The following ADGRL2 variants were observed in gnomAD, a reference collection of about 807,000 sequenced individuals.
The protein encoded by ADGRL2 is calcium-independent alpha-latrotoxin receptor 2.
A neutral mutation model predicts 157.4 loss-of-function variants in ADGRL2; 44 were observed. That is an observed-to-expected ratio of 0.28 (90% CI 0.22 to 0.36). The LOEUF (loss-of-function observed/expected upper bound fraction) is 0.36, where lower values mean the gene tolerates loss of function less well. Among genes scored for constraint, ADGRL2 ranks in the 10% least tolerant of loss-of-function variants. ADGRL2 has a pLI of 1.00. For synonymous variants in ADGRL2, 585 were observed against 624.7 expected (o/e 0.94, Z 0.95); for missense variants, 1,510 against 1,768.9 (o/e 0.85, Z 2.63).
At chr1:81,964,140 T>C (rs911802502) in intron 11 of ADGRL2, among the ~76,000 whole-genome samples, 1 of 152,028 alleles carries the variant, frequency 6.6e-6, no homozygotes, top group Non-Finnish European at 1.5e-5. Flanking sequence ...AAGTTTTTCT[T>C]TACTGTGAAC....
At chr1:81,533,483 T>C (rs2079655652) in intron 2 of ADGRL2, among the ~76,000 whole-genome samples, 1 of 152,216 alleles carries the variant, frequency 6.6e-6, no homozygotes, top group Non-Finnish European at 1.5e-5. Context: ...TGTCTTCCAC[T>C]TTACCTACTC....
chr1:81,475,837 AG>A (rs2078261231), intron 2 of ADGRL2, among the ~76,000 whole-genome samples: 1 of 152,226 alleles, frequency 6.6e-6, no homozygotes, highest in African/African-American at 2.4e-5. Flanking sequence ...GAGGATGTTC[AG>A]AAAAATTGTG....
intron 1 of ADGRL2, among the ~76,000 whole-genome samples, chr1:81,705,993 G>A (rs988899269): frequency 6.6e-6 from 1 of 151,940 alleles, no homozygotes; most frequent in African/African-American, 2.4e-5. Context: ...GGCGGATCAC[G>A]AGGTCAGGAG....
At chr1:81,596,657 A>G (rs939833289) in intron 3 of ADGRL2, among the ~76,000 whole-genome samples, 4 of 151,700 alleles carry the variant, frequency 2.6e-5, no homozygotes, top group South Asian at 2.1e-4. Flanking sequence ...ATGAATTTTT[A>G]TTTCCAGAAT....
upstream of ADGRL2, among the ~76,000 whole-genome samples, chr1:81,695,708 C>A (rs1164248715): frequency 6.6e-6 from 1 of 151,938 alleles, no homozygotes. Context: ...GTAATCCCAG[C>A]TACTCGGGAG....
chr1:81,663,553 G>A (rs1410511223), intron 3 of ADGRL2, among the ~76,000 whole-genome samples: 1 of 152,198 alleles, frequency 6.6e-6, no homozygotes, highest in African/African-American at 2.4e-5. Flanking sequence ...CAAAGAGGAA[G>A]TTTTCCTTGC....
At chr1:81,637,844 T>G (rs2148787871) in intron 3 of ADGRL2, among the ~76,000 whole-genome samples, 1 of 152,238 alleles carries the variant, frequency 6.6e-6, no homozygotes. Context: ...TAACTTAAAA[T>G]TCAGCGTACC....
Position 81,636,772 on chromosome 1 carries a change from C to A in ADGRL2, c.-143+55792C>A, listed in dbSNP as rs2148782449. On this transcript the variant is annotated intron_variant, in intron 3 of 24. Transcript: ENST00000370721. ...AAATGCTAATGTGCATTTTCATATA[C>A]CAAAGAAAAATACTGTGTAATATAC... is the stretch of plus-strand genomic sequence containing the variant. 2.0e-5 allele frequency among the ~76,000 whole-genome samples: 3 copies of A among 152,212 alleles called. No homozygotes were observed. In the Middle Eastern group the frequency reaches 0.01, roughly 518 times the overall value.
At chr1:81,890,295 A>G (rs955922406) in intron 2 of ADGRL2, among the ~76,000 whole-genome samples, 5 of 152,248 alleles carry the variant, frequency 3.3e-5, no homozygotes, top group African/African-American at 9.6e-5. Context: ...TTAAGACTCA[A>G]TTCCATAGTG....
chr1:81,902,926 C>T (rs1419496698), intron 2 of ADGRL2, among the ~76,000 whole-genome samples: 2 of 152,138 alleles, frequency 1.3e-5, no homozygotes, highest in African/African-American at 4.8e-5. Context: ...ATGTGCACAG[C>T]ACATCCATGT....
intron 1 of ADGRL2, among the ~76,000 whole-genome samples, chr1:81,732,481 G>A (rs905985838): frequency 2.6e-5 from 4 of 152,168 alleles, no homozygotes; most frequent in African/African-American, 9.7e-5. Context: ...CAGAGGTACT[G>A]TTTTAAATGA....
intron 3 of ADGRL2, among the ~76,000 whole-genome samples, chr1:81,654,442 A>G (rs997729821): frequency 2.0e-5 from 3 of 152,098 alleles, no homozygotes; most frequent in Non-Finnish European, 4.4e-5. Flanking sequence ...TGTTGCGGTG[A>G]AGGTCTAATT....
chr1:81,755,274 T>C (rs963357130), intron 1 of ADGRL2, among the ~76,000 whole-genome samples: 1 of 150,348 alleles, frequency 6.7e-6, no homozygotes, highest in African/African-American at 2.4e-5. Context: ...GTCACAGCAA[T>C]AGAATGAAGA....
At chr1:81,926,886 G>T (rs1431730463) in intron 3 of ADGRL2, among the ~76,000 whole-genome samples, 3 of 151,956 alleles carry the variant, frequency 2.0e-5, no homozygotes, top group Admixed American at 6.6e-5. Context: ...AGCCTAATTT[G>T]CATTAAACTG....
chr1:81,650,302 T>C (rs2082389560), intron 3 of ADGRL2, among the ~76,000 whole-genome samples: 1 of 152,064 alleles, frequency 6.6e-6, no homozygotes, highest in Non-Finnish European at 1.5e-5. Flanking sequence ...CCGGGCCCCC[T>C]GGCTCACACC....
intron 1 of ADGRL2, among the ~76,000 whole-genome samples, chr1:81,437,755 G>T (rs1477003442): frequency 6.6e-6 from 1 of 152,162 alleles, no homozygotes; most frequent in African/African-American, 2.4e-5. Flanking sequence ...TCATTTGCAT[G>T]TTTCTGAACA....
intron 2 of ADGRL2, among the ~76,000 whole-genome samples, chr1:81,500,377 A>G (rs1239820518): frequency 6.6e-6 from 1 of 152,238 alleles, no homozygotes; most frequent in Non-Finnish European, 1.5e-5. Flanking sequence ...ATTATTCATA[A>G]TAGTCAAAAG....
intron 11 of ADGRL2, among the ~76,000 whole-genome samples, chr1:81,958,659 A>G (rs1175548465): frequency 6.6e-6 from 1 of 152,304 alleles, no homozygotes; most frequent in East Asian, 1.9e-4. Flanking sequence ...AAAATATGCA[A>G]TAAGAGCACC....
intron 2 of ADGRL2, among the ~76,000 whole-genome samples, chr1:81,868,397 GA>G (rs1321209367): frequency 2.0e-5 from 3 of 151,948 alleles, no homozygotes; most frequent in Non-Finnish European, 4.4e-5. Flanking sequence ...ATATAAATTG[GA>G]TCACTTTTCC....
Sources: gnomAD v4.1 joint callset for allele counts (sites outside exome capture counted in the v4.1 genomes callset) on GRCh38, gnomAD v4.1.1 for gene constraint, MANE v1.5 for transcripts, NCBI Gene and HGNC (gene_info 2026-07-23, HGNC 2026-07-21) for gene names.